Variants in CAMK2D observed in about 807,000 individuals in gnomAD.
The protein encoded by CAMK2D is calcium/calmodulin dependent protein kinase II delta.
Under a neutral mutation model 84.0 loss-of-function variants are expected in CAMK2D, and 37 were observed. The ratio of observed to expected loss-of-function variants is 0.44; its 90% CI spans 0.34 to 0.58. The LOEUF (loss-of-function observed/expected upper bound fraction) is 0.58. Ranked by LOEUF, CAMK2D falls within the 20% of genes least tolerant of loss-of-function variation. The pLI, the probability that CAMK2D is intolerant of heterozygous loss-of-function variation, is 0.02. For synonymous variants in CAMK2D, 202 were observed against 212.5 expected, an observed-to-expected ratio of 0.95 and a Z score of 0.43; for missense variants, 448 against 652.5, an observed-to-expected ratio of 0.69 and a Z score of 3.41.
At chr4:113,619,241 T>C (rs2099034930) in intron 3 of CAMK2D, among the ~76,000 whole-genome samples, 1 of 150,352 alleles carries the variant, frequency 6.7e-6, no homozygotes, top group Admixed American at 6.6e-5. Context: ...ATATAGAAAA[T>C]CTGACCACTT....
intron 7 of CAMK2D, among the ~76,000 whole-genome samples, chr4:113,532,700 T>G (rs1456601364): frequency 6.6e-6 from 1 of 152,228 alleles, no homozygotes; most frequent in African/African-American, 2.4e-5. Context: ...ATGTTCTTAG[T>G]GTGCACTTTC....
At position 113,563,795 on chromosome 4, in the gene CAMK2D, T is replaced by A. The variant is rs147143338; in HGVS notation, c.276-11699A>T. 1.3e-3 allele frequency among the ~76,000 whole-genome samples: 199 copies of A among 152,362 alleles called. 1 individual carries two copies. Among genetic ancestry groups the A allele is most frequent in the African/African-American group, 4.7e-3 (195 of 41,582 alleles). The stretch of plus-strand genomic sequence containing the variant: ...GTGTATCTGTACTCAACTATTGTGT[T>A]AAGAACAGTACAAATAAACAACTTC... On this transcript the variant is annotated intron_variant, in intron 4 of 20. Coordinates refer to ENST00000511664, the MANE Select transcript of CAMK2D (RefSeq NM_001321571.2).
intron 3 of CAMK2D, among the ~76,000 whole-genome samples, chr4:113,654,979 A>G (rs1233302261): frequency 5.3e-5 from 8 of 152,054 alleles, no homozygotes; most frequent in African/African-American, 1.7e-4. Context: ...CTAAATGCTA[A>G]GAAATGAATT....
At position 113,759,302 on chromosome 4, in the gene CAMK2D, G is replaced by T. The variant is rs780849094; in HGVS notation, c.160+18C>A. On this transcript the variant is annotated intron_variant, in intron 2 of 20. Coordinates refer to ENST00000511664, the MANE Select transcript of CAMK2D (RefSeq NM_001321571.2). The stretch of plus-strand genomic sequence containing the variant: ...ACAAATACAAAATTAACCAATATAT[G>T]TGGTTGAAAATACCCACCCCTAGCA... 2.7e-6 allele frequency: 4 copies of T among 1,488,010 alleles called. No homozygotes were observed. Among genetic ancestry groups the T allele is most frequent in the Admixed American group, 3.4e-5 (2 of 59,318 alleles). 92.2% of individuals were successfully genotyped at this position (1,488,010 alleles called of 1,614,324 possible).
At chr4:113,556,981 T>C (rs1325257983) in intron 4 of CAMK2D, among the ~76,000 whole-genome samples, 1 of 152,138 alleles carries the variant, frequency 6.6e-6, no homozygotes, top group African/African-American at 2.4e-5. Context: ...CACTTCATGA[T>C]TTTCTGGTTT....
chr4:113,455,243 TCCTCCTGTGG>T (rs2097290932), intron 20 of CAMK2D, among the ~76,000 whole-genome samples: 1 of 152,198 alleles, frequency 6.6e-6, no homozygotes, highest in South Asian at 2.1e-4. Context: ...CAGCTTGACT[TCCTCCTGTGG>T]CCTGTCCTCA....
intron 2 of CAMK2D, among the ~76,000 whole-genome samples, chr4:113,746,024 A>T (rs2148986200): frequency 6.6e-6 from 1 of 152,334 alleles, no homozygotes; most frequent in East Asian, 1.9e-4. Flanking sequence ...AAATGTCTGA[A>T]GGTCTTTGAA....
intron 2 of CAMK2D, among the ~76,000 whole-genome samples, chr4:113,673,097 T>C (rs2154327661): frequency 6.6e-6 from 1 of 152,262 alleles, no homozygotes; most frequent in Middle Eastern, 3.4e-3. Flanking sequence ...CAGAGAGGAC[T>C]ACTCAGGATA....
intron 15 of CAMK2D, among the ~76,000 whole-genome samples, chr4:113,501,837 A>G (rs1022699953): frequency 2.0e-5 from 3 of 152,140 alleles, no homozygotes; most frequent in Non-Finnish European, 4.4e-5. Context: ...GCTATTAAAA[A>G]AATTGTTCTC....
chr4:113,576,102 C>T (rs1425740591), intron 4 of CAMK2D, among the ~76,000 whole-genome samples: 1 of 152,068 alleles, frequency 6.6e-6, no homozygotes, highest in African/African-American at 2.4e-5. Context: ...GACAAGATCC[C>T]ATAGCTCACT....
At chr4:113,734,591 A>G (rs949888740) in intron 2 of CAMK2D, among the ~76,000 whole-genome samples, 7 of 152,210 alleles carry the variant, frequency 4.6e-5, no homozygotes, top group Non-Finnish European at 1.0e-4. Context: ...ATCTATTGAC[A>G]ATAAGAGAGT....
intron 4 of CAMK2D, among the ~76,000 whole-genome samples, chr4:113,565,352 G>C (rs142624593): frequency 3.7e-4 from 57 of 152,044 alleles, no homozygotes; most frequent in African/African-American, 1.4e-3. Context: ...TTACTTTCAC[G>C]CAGAAGTCAA....
chr4:113,502,275 G>A (rs925016569), intron 15 of CAMK2D, among the ~76,000 whole-genome samples: 4 of 151,862 alleles, frequency 2.6e-5, no homozygotes, highest in Admixed American at 1.3e-4. Context: ...GAAACATTTA[G>A]TCTTCTTTCA....
chr4:113,543,553 A>G (rs1458805812), intron 6 of CAMK2D, among the ~76,000 whole-genome samples: 1 of 151,966 alleles, frequency 6.6e-6, no homozygotes, highest in Non-Finnish European at 1.5e-5. Context: ...CCTTAATTCA[A>G]TGGCCAGCAG....
intron 10 of CAMK2D, 83 bp downstream of exon 10, chr4:113,514,986 C>G: frequency 2.4e-6 from 3 of 1,239,986 alleles, no homozygotes; most frequent in Non-Finnish European, 3.5e-6. Context: ...TTTTGCAAAG[C>G]TATTTTAAAT....
chr4:113,754,301 G>A (rs780868235), intron 2 of CAMK2D: 118 of 976,882 alleles, frequency 1.2e-4, no homozygotes, highest in Non-Finnish European at 1.3e-4. Context: ...TCCAGCCCTA[G>A]AAATACTATG....
At chr4:113,720,915 T>C (rs965135447) in intron 2 of CAMK2D, among the ~76,000 whole-genome samples, 3 of 152,098 alleles carry the variant, frequency 2.0e-5, no homozygotes, top group African/African-American at 7.2e-5. Flanking sequence ...TATTACAACA[T>C]ATTAAGTACA....
chr4:113,761,403 G>A lies in CAMK2D; in HGVS notation c.-335C>T. 1 of 1,245,038 alleles carries A rather than the reference G, an allele frequency of 8.0e-7. No individual in the cohort carries two copies. Among genetic ancestry groups the A allele is most frequent in the Non-Finnish European group, 1.0e-6 (1 of 982,660 alleles). 77.1% of individuals were successfully genotyped at this position (1,245,038 alleles called of 1,614,324 possible). A position where few individuals can be genotyped will look rare whatever the true frequency, so the allele number is the denominator to read the frequency against. On this transcript the variant is annotated 5_prime_UTR_variant, in exon 1 of 21. Transcript: ENST00000511664. ...AAAGTACTCAAGAAGAGGGGGCCGG[G>A]AAATGGAAAAACAGCCAGGCACGGG...
chr4:113,467,698 A>C (rs1256408487), intron 16 of CAMK2D, among the ~76,000 whole-genome samples: 1 of 152,218 alleles, frequency 6.6e-6, no homozygotes, highest in Non-Finnish European at 1.5e-5. Flanking sequence ...ACATAGTGAC[A>C]GAAGTGGTAT....
Sources: allele counts gnomAD v4.1 joint callset (sites outside exome capture counted in the v4.1 genomes callset), GRCh38; gene constraint gnomAD v4.1.1; transcripts MANE v1.5; gene names NCBI Gene and HGNC (gene_info 2026-07-23, HGNC 2026-07-21).